The following IPMK variants were observed in gnomAD, a reference collection of about 807,000 sequenced individuals.
IPMK encodes inositol polyphosphate multikinase, also known as inositol 1,3,4,6-tetrakisphosphate 5-kinase.
In IPMK, 17 loss-of-function variants were observed where a neutral mutation model predicts 45.8. The ratio of observed to expected loss-of-function variants is 0.37; its 90% confidence interval spans 0.25 to 0.56. The LOEUF (loss-of-function observed/expected upper bound fraction) is 0.56, where lower values mean the gene tolerates loss of function less well. Among genes scored for constraint, IPMK ranks in the 20% least tolerant of loss-of-function variants. The pLI is 0.79. For missense variants in IPMK, 399 were observed against 498.0 expected (o/e 0.80, Z 1.89); for synonymous variants, 180 against 184.3 (o/e 0.98, Z 0.19).
intron 1 of IPMK, among the ~76,000 whole-genome samples, chr10:58,264,951 C>T (rs1270893184): frequency 6.6e-6 from 1 of 151,984 alleles, no homozygotes; most frequent in Non-Finnish European, 1.5e-5. Flanking sequence ...AGTGATTGCC[C>T]CTGGGAGAAT....
At chr10:58,207,981 C>T (rs770705986) in intron 4 of IPMK, among the ~76,000 whole-genome samples, 1 of 151,966 alleles carries the variant, frequency 6.6e-6, no homozygotes, top group East Asian at 1.9e-4. Flanking sequence ...TGCTTTGGTG[C>T]CCAGGCTGGA....
chr10:58,209,804 C>T (rs373442204), intron 4 of IPMK, among the ~76,000 whole-genome samples: 7 of 152,166 alleles, frequency 4.6e-5, no homozygotes, highest in African/African-American at 1.4e-4. Flanking sequence ...GTAGCTTTAG[C>T]GGTTGTTTTC....
intron 3 of IPMK, among the ~76,000 whole-genome samples, 173 bp from the exon 4 acceptor site, chr10:58,216,490 A>G (rs191845383): frequency 1.6e-3 from 248 of 152,038 alleles, no homozygotes; most frequent in Middle Eastern, 3.4e-3. Context: ...CAACAAATTT[A>G]TAACAAGTAT....
chr10:58,239,038 A>G (rs981988104), intron 1 of IPMK, among the ~76,000 whole-genome samples: 7 of 152,110 alleles, frequency 4.6e-5, no homozygotes, highest in African/African-American at 1.7e-4. Context: ...AGTCCCAGCT[A>G]CTCAGGAGAA....
intron 1 of IPMK, among the ~76,000 whole-genome samples, chr10:58,264,406 T>A (rs1456798448): frequency 6.6e-6 from 1 of 152,194 alleles, no homozygotes; most frequent in East Asian, 1.9e-4. Context: ...ACAACAATTA[T>A]CAGTTTAAAT....
Position 58,196,512 on chromosome 10 carries a change from G to C in IPMK, c.815C>G (p.Thr272Ser). The C allele has an allele frequency of 6.2e-7, 1 of 1,613,962 alleles. No homozygotes were observed. Among genetic ancestry groups the C allele is most frequent in the Non-Finnish European group, 8.5e-7 (1 of 1,179,958 alleles). Residue 272 changes from threonine to serine, a missense_variant, in exon 6 of 6, where the codon ACT (threonine) becomes AGT (serine). Thr to Ser is a moderately conservative substitution (Grantham distance 58). Coordinates refer to ENST00000373935, the MANE Select transcript of IPMK (RefSeq NM_152230.5). The part of the protein sequence containing the change: ...QPTTTKLNDR[T>S]LAEKFLSKGQ... ...TTTGGACAAAAACTTTTCTGCCAAA[G>C]TTCTGTCATTCAATTTTGTAGTGGT...
chr10:58,233,651 T>C (rs1476232736), intron 2 of IPMK, among the ~76,000 whole-genome samples: 1 of 151,954 alleles, frequency 6.6e-6, no homozygotes, highest in Non-Finnish European at 1.5e-5. Context: ...ATAAACTAGA[T>C]ATTGATGGAA....
chr10:58,249,342 T>G (rs964045272), intron 1 of IPMK, among the ~76,000 whole-genome samples: 1 of 152,150 alleles, frequency 6.6e-6, no homozygotes, highest in Non-Finnish European at 1.5e-5. Context: ...CACCCCAGCC[T>G]CCCAGGGCTG....
intron 4 of IPMK, among the ~76,000 whole-genome samples, chr10:58,208,445 C>T (rs888195659): frequency 4.0e-5 from 6 of 151,560 alleles, no homozygotes; most frequent in Non-Finnish European, 5.9e-5. Context: ...AATTCCTTCT[C>T]GTTTGGGTAG....
chr10:58,221,532 A>T (rs1167559948), intron 3 of IPMK, among the ~76,000 whole-genome samples: 1 of 152,154 alleles, frequency 6.6e-6, no homozygotes, highest in Non-Finnish European at 1.5e-5. Context: ...CCAAAAAAAT[A>T]TAATGAACTA....
chr10:58,198,148 A>C (rs937045165), intron 5 of IPMK, among the ~76,000 whole-genome samples: 4 of 152,108 alleles, frequency 2.6e-5, no homozygotes, highest in Non-Finnish European at 5.9e-5. Flanking sequence ...CTAAATACCA[A>C]ACCATAACTC....
chr10:58,248,318 GTTT>G (rs1234630876), intron 1 of IPMK, among the ~76,000 whole-genome samples: 2 of 151,992 alleles, frequency 1.3e-5, no homozygotes, highest in Non-Finnish European at 2.9e-5. Context: ...GGCAAACTGT[GTTT>G]TTTAACAAAA....
At chr10:58,235,608 T>C (rs553437483) in intron 2 of IPMK, among the ~76,000 whole-genome samples, 14 of 152,220 alleles carry the variant, frequency 9.2e-5, no homozygotes, top group South Asian at 4.2e-4. Flanking sequence ...TAGGTGGGAA[T>C]TGAACAAAGA....
chr10:58,232,230 A>G (rs994544360), intron 2 of IPMK, among the ~76,000 whole-genome samples: 1 of 152,138 alleles, frequency 6.6e-6, no homozygotes. Flanking sequence ...CACAATAACA[A>G]TGGGAGACTT....
At chr10:58,219,200 C>T (rs1188382522) in intron 3 of IPMK, among the ~76,000 whole-genome samples, 1 of 152,084 alleles carries the variant, frequency 6.6e-6, no homozygotes, top group African/African-American at 2.4e-5. Flanking sequence ...TCTAATCTTA[C>T]ATTTTTTTAA....
intron 2 of IPMK, among the ~76,000 whole-genome samples, chr10:58,229,987 T>C (rs531528764): frequency 6.6e-6 from 1 of 152,294 alleles, no homozygotes; most frequent in African/African-American, 2.4e-5. Context: ...TCTTAGCAAC[T>C]GGCAGACAAG....
At chr10:58,256,734 T>C (rs1034999340) in intron 1 of IPMK, among the ~76,000 whole-genome samples, 31 of 152,170 alleles carry the variant, frequency 2.0e-4, no homozygotes, top group African/African-American at 7.0e-4. Flanking sequence ...AAAATTTCTC[T>C]CTTTGTACTC....
At chr10:58,200,988 A>G (rs1837988091) in intron 4 of IPMK, among the ~76,000 whole-genome samples, 1 of 152,232 alleles carries the variant, frequency 6.6e-6, no homozygotes, top group Non-Finnish European at 1.5e-5. Flanking sequence ...CCCACGCAGA[A>G]ATCAAAAGAA....
intron 1 of IPMK, among the ~76,000 whole-genome samples, chr10:58,258,839 G>A (rs990252639): frequency 6.6e-6 from 1 of 151,872 alleles, no homozygotes; most frequent in Non-Finnish European, 1.5e-5. Flanking sequence ...TAGAAAGATA[G>A]GAATGAAAAA....
Sources: allele counts gnomAD v4.1 joint callset (sites outside exome capture counted in the v4.1 genomes callset), GRCh38; gene constraint gnomAD v4.1.1; transcripts MANE v1.5; gene names NCBI Gene and HGNC (gene_info 2026-07-23, HGNC 2026-07-21).